Variants in ZNF605 observed in about 807,000 individuals in gnomAD.
ZNF605 encodes zinc finger protein 605.
Under a neutral mutation model 7.9 loss-of-function variants are expected in ZNF605, and 9 were observed. The observed-to-expected ratio is 1.14, with a 90% CI of 0.68 to 1.98. ZNF605 has a LOEUF of 1.98. Ranked by LOEUF, ZNF605 falls within the 30% of genes most tolerant of loss-of-function variation. The probability of loss-of-function intolerance (pLI) is 0.00; values close to 1 mark genes in which losing one functional copy is unlikely to be tolerated. For synonymous variants in ZNF605, 255 were observed against 260.1 expected, an observed-to-expected ratio of 0.98 and a Z score of 0.19; for missense variants, 673 against 762.4, an observed-to-expected ratio of 0.88 and a Z score of 1.38.
Position 132,921,640 on chromosome 12 carries a change from C to T in ZNF605, c.*3733G>A, listed in dbSNP as rs748373216. ...TACACAAGTTTATTAACACAGACTACAACGTCAATGAAGCCTCCTGGCATT... is the reference window on the plus strand; with the variant it reads ...TACACAAGTTTATTAACACAGACTATAACGTCAATGAAGCCTCCTGGCATT... On this transcript the variant is annotated 3_prime_UTR_variant, in exon 5 of 5. Transcript: ENST00000360187. 1 of 152,210 alleles carries T rather than the reference C, an allele frequency of 6.6e-6. No homozygotes were observed. Among genetic ancestry groups the T allele is most frequent in the African/African-American group, 2.4e-5 (1 of 41,452 alleles). The allele number at this position is 152,210 out of a possible 1,614,324, so 9.4% of individuals were successfully genotyped here. A position where few individuals can be genotyped will look rare whatever the true frequency, so the allele number is the denominator to read the frequency against.
chr12:132,924,166 T>C lies in ZNF605; in HGVS notation c.*1207A>G, dbSNP rs1952226316. The C allele has an allele frequency of 6.6e-6, 1 of 152,224 alleles. No individual in the cohort carries two copies. Among genetic ancestry groups the C allele is most frequent in the Non-Finnish European group, 1.5e-5 (1 of 68,038 alleles). The allele number at this position is 152,224 out of a possible 1,614,324, so 9.4% of individuals were successfully genotyped here. A position where few individuals can be genotyped will look rare whatever the true frequency, so the allele number is the denominator to read the frequency against. ...GGTTTCTACTGATTTTTCTCCTGGT[T>C]ATAAGTCATATTTTATTGCTTCTTT... is the stretch of plus-strand genomic sequence containing the variant. On this transcript the variant is annotated 3_prime_UTR_variant, in exon 5 of 5. Coordinates refer to ENST00000360187, the MANE Select transcript of ZNF605 (RefSeq NM_183238.4).
intron 2 of ZNF605, among the ~76,000 whole-genome samples, chr12:132,946,029 C>G (rs1233585313): frequency 1.3e-5 from 2 of 152,266 alleles, no homozygotes; most frequent in East Asian, 3.9e-4. Context: ...AACTGAACAG[C>G]CCCGGCTCCA....
chr12:132,935,257 G>T (rs778294680), intron 3 of ZNF605, among the ~76,000 whole-genome samples: 113 of 152,006 alleles, frequency 7.4e-4, no homozygotes, highest in Non-Finnish European at 1.2e-3. Flanking sequence ...CATAAAGCTG[G>T]AACACAAGGA....
intron 4 of ZNF605, among the ~76,000 whole-genome samples, chr12:132,928,147 G>C (rs567193956): frequency 6.6e-6 from 1 of 152,164 alleles, no homozygotes; most frequent in East Asian, 1.9e-4. Flanking sequence ...AGGTAATATA[G>C]TTAAGAATGT....
chr12:132,947,658 T>C (rs1446955573), intron 2 of ZNF605, among the ~76,000 whole-genome samples: 1 of 152,244 alleles, frequency 6.6e-6, no homozygotes, highest in East Asian at 1.9e-4. Flanking sequence ...CTTTATTTTC[T>C]ACTTTTGTGA....
At chr12:132,953,677 A>T (rs11147177) in intron 1 of ZNF605, among the ~76,000 whole-genome samples, 20,173 of 151,564 alleles carry the variant, frequency 0.13, 2,439 homozygotes, top group East Asian at 0.53. Context: ...TGCCTGCCTC[A>T]GCCTCCCAAA....
At chr12:132,942,964 C>T (rs946673670) in intron 3 of ZNF605, among the ~76,000 whole-genome samples, 3 of 152,116 alleles carry the variant, frequency 2.0e-5, no homozygotes, top group Non-Finnish European at 4.4e-5. Flanking sequence ...ATTGTCACGG[C>T]CCGTCAAAGT....
intron 3 of ZNF605, among the ~76,000 whole-genome samples, chr12:132,939,008 CTGCAGCCCACCATGCCT>C (rs1952400911): frequency 6.6e-6 from 1 of 151,586 alleles, no homozygotes; most frequent in Non-Finnish European, 1.5e-5. Flanking sequence ...GGCTGGGCAC[CTGCAGCCCACCATGCCT>C]GAGCCTCCCA....
At position 132,935,766 on chromosome 12, in the gene ZNF605, G is replaced by A. The variant is rs919100773; in HGVS notation, c.16-2611C>T. ...AAATTAGCCGGGCATGGTGGTGGGCGCCTGTAGTCCCAGCTACTCGGGAGG... is the reference window on the plus strand; with the variant it reads ...AAATTAGCCGGGCATGGTGGTGGGCACCTGTAGTCCCAGCTACTCGGGAGG... On this transcript the variant is annotated intron_variant, in intron 3 of 4. Coordinates refer to ENST00000360187, the MANE Select transcript of ZNF605 (RefSeq NM_183238.4). 3.9e-3 allele frequency among the ~76,000 whole-genome samples: 596 copies of A among 151,856 alleles called. 4 individuals carry two copies. Among genetic ancestry groups the A allele is most frequent in the Middle Eastern group, 0.017 (5 of 294 alleles).
chr12:132,927,124 T>G lies in ZNF605; in HGVS notation c.175A>C (p.Asn59His). 6.3e-7 allele frequency: 1 copy of G among 1,580,032 alleles called. No individual in the cohort carries two copies. Among genetic ancestry groups the G allele is most frequent in the South Asian group, 1.2e-5 (1 of 86,756 alleles). The change falls in exon 5 of 5, where the codon AAT becomes CAT. Residue 59 changes from asparagine (N) to histidine (H), a missense_variant. Physicochemically the swap from Asn to His is moderately conservative, Grantham distance 68. Coordinates refer to ENST00000360187, the MANE Select transcript of ZNF605 (RefSeq NM_183238.4). ...TCCATACTTTTAAGGTTGTCTTGAT[T>G]ATCTCGGAGCCACATTTTGGGATTA... ...LDNPKMWLRD[N>H]QDNLKSMERG... is the part of the protein sequence containing the mutation.
At position 132,926,728 on chromosome 12, in the gene ZNF605, G is replaced by A; in HGVS notation, c.571C>T (p.His191Tyr). 6.2e-7 allele frequency: 1 copy of A among 1,614,072 alleles called. No homozygotes were observed. Among genetic ancestry groups the A allele is most frequent in the Non-Finnish European group, 8.5e-7 (1 of 1,179,942 alleles). The change falls in exon 5 of 5, where the codon CAT becomes TAT. Residue 191 changes from histidine to tyrosine, a missense_variant. By Grantham distance (83) the His-to-Tyr change is moderately conservative. Transcript: ENST00000360187. Reference protein sequence around the residue: ...KSQLVIHQRTHTGEKPYQCSE... With the variant: ...KSQLVIHQRTYTGEKPYQCSE... Reference sequence around the variant, plus strand: ...CATTGATAGGGCTTCTCTCCTGTATGAGTTCTCTGGTGTATAACAAGTTGT... The same window carrying A: ...CATTGATAGGGCTTCTCTCCTGTATAAGTTCTCTGGTGTATAACAAGTTGT...
At chr12:132,935,488 C>T (rs1049871076) in intron 3 of ZNF605, among the ~76,000 whole-genome samples, 19 of 151,930 alleles carry the variant, frequency 1.3e-4, no homozygotes, top group Admixed American at 5.9e-4. Context: ...TTCAGGCATC[C>T]GGCAGAATCA....
At chr12:132,944,540 G>A (rs998374825) in intron 3 of ZNF605, among the ~76,000 whole-genome samples, 3 of 152,302 alleles carry the variant, frequency 2.0e-5, no homozygotes, top group East Asian at 1.9e-4. Flanking sequence ...TACTTATGGG[G>A]ACCATTTGAA....
intron 1 of ZNF605, among the ~76,000 whole-genome samples, chr12:132,951,543 CACAT>C (rs1593605684): frequency 6.6e-6 from 1 of 151,704 alleles, no homozygotes; most frequent in Non-Finnish European, 1.5e-5. Flanking sequence ...GTCACACACA[CACAT>C]ACACACACTG....
At position 132,923,453 on chromosome 12, in the gene ZNF605, G is replaced by T. The variant is rs895930088; in HGVS notation, c.*1920C>A. The T allele has an allele frequency of 6.6e-6, 1 of 152,132 alleles. No homozygotes were observed. The highest frequency in any genetic ancestry group is 1.5e-5 in the Non-Finnish European group (1 of 68,026). The allele number at this position is 152,132 out of a possible 1,614,324, so 9.4% of individuals were successfully genotyped here. On this transcript the variant is annotated 3_prime_UTR_variant, in exon 5 of 5. Coordinates refer to ENST00000360187, the MANE Select transcript of ZNF605 (RefSeq NM_183238.4). ...TTCATTTTTGAAAACGTTTTTGACAGTAACAGAATTCTAGGTTGCAGGGTT... is the reference window on the plus strand; with the variant it reads ...TTCATTTTTGAAAACGTTTTTGACATTAACAGAATTCTAGGTTGCAGGGTT...
intron 3 of ZNF605, among the ~76,000 whole-genome samples, chr12:132,942,311 C>T (rs1293481513): frequency 6.6e-6 from 1 of 152,210 alleles, no homozygotes; most frequent in Non-Finnish European, 1.5e-5. Context: ...TTTCCATGGA[C>T]TGTGGCGGCT....
At chr12:132,939,140 C>G (rs1384358711) in intron 3 of ZNF605, among the ~76,000 whole-genome samples, 8 of 151,956 alleles carry the variant, frequency 5.3e-5, no homozygotes, top group Middle Eastern at 3.2e-3. Flanking sequence ...GGAATGCGAG[C>G]GCACAGCGCA....
chr12:132,927,045 A>G lies in ZNF605; in HGVS notation c.254T>C (p.Ile85Thr). 6.2e-7 allele frequency: 1 copy of G among 1,607,482 alleles called. No individual in the cohort carries two copies. The highest frequency in any genetic ancestry group is 1.1e-5 in the South Asian group (1 of 90,912). The change falls in exon 5 of 5, where the codon ATT becomes ACT. Residue 85 changes from isoleucine to threonine, a missense_variant. By Grantham distance (89) the Ile-to-Thr change is moderately conservative. Coordinates refer to ENST00000360187, the MANE Select transcript of ZNF605 (RefSeq NM_183238.4). ...FGKIFNSSIN[I>T]VHVGLRSHKC... ...ATGGGATCGCAGTCCTACATGAACA[A>G]TGTTTATGCTTGAATTAAATATTTT...
intron 2 of ZNF605, 61 bp from the exon 3 acceptor site, chr12:132,945,858 G>T: frequency 1.5e-6 from 1 of 661,924 alleles, no homozygotes; most frequent in Non-Finnish European, 2.6e-6. Context: ...CCTAAATCTT[G>T]GTGTTCTCTT....
Sources: gnomAD v4.1 joint callset for allele counts (sites outside exome capture counted in the v4.1 genomes callset) on GRCh38, gnomAD v4.1.1 for gene constraint, MANE v1.5 for transcripts, NCBI Gene and HGNC (gene_info 2026-07-23, HGNC 2026-07-21) for gene names.